PCSK7: variants seen among roughly 807,000 people sequenced by gnomAD.
The protein encoded by PCSK7 is proprotein convertase subtilisin/kexin type 7.
PCSK7 carries 38 observed loss-of-function variants against 73.3 expected under a neutral mutation model. That is an observed-to-expected ratio of 0.52 (90% confidence interval 0.40 to 0.68). PCSK7 has a LOEUF of 0.68. PCSK7 is among the 30% of genes least tolerant of loss of function. PCSK7 has a pLI of 0.00. For missense variants in PCSK7, 692 were observed against 991.5 expected (o/e 0.70, Z 4.06); for synonymous variants, 296 against 383.8 (o/e 0.77, Z 2.68).
intron 5 of PCSK7, chr11:117,226,681 AGT>A (rs1220985642): frequency 1.3e-5 from 2 of 159,726 alleles, no homozygotes; most frequent in Admixed American, 1.3e-4. Context: ...GCACATAAGG[AGT>A]TATGGTGAGG....
In PCSK7 at chr11:117,229,749, A is replaced by G. The variant is rs1383042086; in HGVS notation, c.96T>C (p.Val32=). 6.2e-7 allele frequency: 1 copy of G among 1,613,840 alleles called. No individual in the cohort carries two copies. Among genetic ancestry groups the G allele is most frequent in the Non-Finnish European group, 8.5e-7 (1 of 1,179,810 alleles). ...WLELAGLFLL[V]PWVMGLAGTG... is the part of the protein sequence containing the mutation. ...TCCCTGCCAGGCCCATGACCCAGGG[A>G]ACCAGTAAGAAGAGCCCGGCTAATT... Residue 32 remains valine (V), a synonymous_variant, in exon 3 of 17, where the codon GTT becomes GTC. Transcript: ENST00000320934.
Position 117,218,974 on chromosome 11 carries a change from G to A in PCSK7, c.1431+83C>T. 2.5e-6 allele frequency: 2 copies of A among 786,360 alleles called. No individual in the cohort carries two copies. The allele number at this position is 786,360 out of a possible 1,614,324, so 48.7% of individuals were successfully genotyped here. A position where few individuals can be genotyped will look rare whatever the true frequency, so the allele number is the denominator to read the frequency against. On this transcript the variant is annotated intron_variant, in intron 11 of 16. Transcript: ENST00000320934. The surrounding 1 kb of genome is among the most constrained non-coding windows in gnomAD (Gnocchi z 4.0). ...GAATGAACATTTACTAGGCACCTAT[G>A]ATATCCCAGGCAGTTTGGGGCATTC...
chr11:117,231,354 C>T (rs1327687298), intron 1 of PCSK7: 1 of 152,224 alleles, frequency 6.6e-6, no homozygotes, highest in African/African-American at 2.4e-5. Flanking sequence ...GGTTTCCAGG[C>T]ATATTCCCTC....
rs1387707620 is a variant in PCSK7 at position 117,219,754 on chromosome 11, G to A, written c.1160C>T (p.Thr387Ile). The change falls in exon 10 of 17, where the codon ACC (threonine) becomes ATC (isoleucine). Residue 387 changes from threonine to isoleucine, a missense_variant. Physicochemically the swap from Thr to Ile is moderately conservative, Grantham distance 89. Around this residue, in one of 6 missense-constraint regions of PCSK7, gnomAD observed 574 missense variants for 689.8 expected, o/e 0.83. Transcript: ENST00000320934. Reference protein sequence around the residue: ...GGDKMLRSIVTTDWDLQKGTG... With the variant: ...GGDKMLRSIVITDWDLQKGTG... ...GCCCTTCTGAAGGTCCCAGTCAGTGGTCACCTGGAAGTGAAACAGGAAAAG... is the reference window on the plus strand; with the variant it reads ...GCCCTTCTGAAGGTCCCAGTCAGTGATCACCTGGAAGTGAAACAGGAAAAG... 1.3e-6 allele frequency: 2 copies of A among 1,575,030 alleles called. No individual in the cohort carries two copies. Among genetic ancestry groups the A allele is most frequent in the South Asian group, 2.3e-5 (2 of 86,510 alleles).
rs1219778210 is a variant in PCSK7 at position 117,224,696 on chromosome 11, G to C, written c.915+5C>G. The C allele has an allele frequency of 6.2e-7, 1 of 1,611,610 alleles. No individual in the cohort carries two copies. Among genetic ancestry groups the C allele is most frequent in the Admixed American group, 1.7e-5 (1 of 60,016 alleles). On this transcript the variant is annotated splice_donor_5th_base_variant and intron_variant, in intron 7 of 16. Coordinates refer to ENST00000320934, the MANE Select transcript of PCSK7 (RefSeq NM_004716.4). Reference sequence around the variant, plus strand: ...TTTCTCAGAGTCTTTGTGCAGGCCAGTTACCTTTCCAAGCTGATGGGGGCC... The same window carrying C: ...TTTCTCAGAGTCTTTGTGCAGGCCACTTACCTTTCCAAGCTGATGGGGGCC...
chr11:117,223,065 C>T, intron 9 of PCSK7, 143 bp downstream of exon 9: 1 of 666,322 alleles, frequency 1.5e-6, no homozygotes, highest in South Asian at 1.7e-5. Context: ...GGGTGGCATG[C>T]CTTAAGACAT....
At chr11:117,224,013 A>G (rs2032309362) in intron 8 of PCSK7, 65 bp downstream of exon 8, 27 of 1,504,040 alleles carry the variant, frequency 1.8e-5, no homozygotes, top group Non-Finnish European at 2.5e-5. Context: ...AGCTAGGACA[A>G]GACGTGTGAT....
chr11:117,210,100 A>G (rs147060588), intron 12 of PCSK7: 2 of 152,322 alleles, frequency 1.3e-5, no homozygotes, highest in East Asian at 1.9e-4. Flanking sequence ...CGCATACACA[A>G]ATATTGACAG....
chr11:117,217,240 C>T (rs751952852), intron 12 of PCSK7: 1 of 152,168 alleles, frequency 6.6e-6, no homozygotes, highest in Admixed American at 6.6e-5. Flanking sequence ...CAGAGGATGA[C>T]GAAGCTGGGA....
chr11:117,212,275 A>G (rs1294501538), intron 12 of PCSK7: 2 of 152,172 alleles, frequency 1.3e-5, no homozygotes, highest in Non-Finnish European at 1.5e-5. Flanking sequence ...TGGCTTATCA[A>G]TTTGAGACAT....
At chr11:117,227,455 G>C (rs2032475470) in intron 4 of PCSK7, 133 bp from the exon 5 acceptor site, 1 of 740,422 alleles carries the variant, frequency 1.4e-6, no homozygotes, top group South Asian at 1.5e-5. Flanking sequence ...CATCGTTTCT[G>C]TTTTTGAGAT....
In PCSK7 at chr11:117,219,633, C is replaced by T. The variant is rs781668391; in HGVS notation, c.1281G>A (p.Thr427=). The change falls in exon 10 of 17, where the codon ACG becomes ACA. Residue 427 remains threonine (T), a synonymous_variant. Coordinates refer to ENST00000320934, the MANE Select transcript of PCSK7 (RefSeq NM_004716.4). ...ALMLQVRPCL[T]WRDVQHIIVF... is the part of the protein sequence containing the mutation. ...CAATGATGTGCTGGACGTCACGCCA[C>T]GTGAGGCAGGGCCGCACCTGCAGCA... 2.2e-5 allele frequency: 35 copies of T among 1,612,460 alleles called. 1 individual carries two copies. Among genetic ancestry groups the T allele is most frequent in the African/African-American group, 1.2e-4 (9 of 74,834 alleles).
intron 12 of PCSK7, chr11:117,212,071 C>G (rs962303244): frequency 6.6e-6 from 1 of 152,078 alleles, no homozygotes; most frequent in African/African-American, 2.4e-5. Context: ...TTGTCCTTGA[C>G]ATTTTTTTCT....
chr11:117,229,939 T>A (rs1006774935), intron 2 of PCSK7, 83 bp from the exon 3 acceptor site: 4 of 784,640 alleles, frequency 5.1e-6, no homozygotes, highest in Non-Finnish European at 8.0e-6. Flanking sequence ...GAGCCATCCA[T>A]GTGTTCCCCC....
At position 117,208,067 on chromosome 11, in the gene PCSK7, G is replaced by GA; in HGVS notation, c.1692-4dup. ...AGTCATTGAAGCCGTTGGGATCCCT[G>GA]AGGAAAGAACACAGCAGAAACAGGT... On this transcript the variant is annotated splice_polypyrimidine_tract_variant and splice_region_variant and intron_variant, in intron 13 of 16. Coordinates refer to ENST00000320934, the MANE Select transcript of PCSK7 (RefSeq NM_004716.4). 1 of 550,542 alleles carries GA rather than the reference G, an allele frequency of 1.8e-6. No individual in the cohort carries two copies. Among genetic ancestry groups the GA allele is most frequent in the South Asian group, 2.1e-5 (1 of 47,934 alleles). The allele number at this position is 550,542 out of a possible 1,614,324, so 34.1% of individuals were successfully genotyped here.
Position 117,205,470 on chromosome 11 carries a change from G to A in PCSK7, c.*527C>T, listed in dbSNP as rs2031311995. On this transcript the variant is annotated 3_prime_UTR_variant, in exon 17 of 17. Transcript: ENST00000320934. ...TCATACCAATCGTGGGGGTGGTGAA[G>A]GAGCCAGGGGTTCATTCATGGTTGG... 4.3e-6 allele frequency: 1 copy of A among 233,988 alleles called. No individual in the cohort carries two copies. The highest frequency in any genetic ancestry group is 5.6e-5 in the Admixed American group (1 of 17,784). 14.5% of individuals were successfully genotyped at this position (233,988 alleles called of 1,614,324 possible).
At chr11:117,224,462 G>A (rs1262508035) in intron 7 of PCSK7, among the ~76,000 whole-genome samples, 1 of 152,186 alleles carries the variant, frequency 6.6e-6, no homozygotes, top group Non-Finnish European at 1.5e-5. Flanking sequence ...AGGACAGGGT[G>A]GGGCCAGGCA....
intron 12 of PCSK7, chr11:117,213,976 T>TTTTG (rs36106425): frequency 0.053 from 6,966 of 130,508 alleles, 359 homozygotes; most frequent in Middle Eastern, 0.086. Flanking sequence ...TTTTTTTTTT[T>TTTTG]AGACGGAGTC....
Position 117,227,297 on chromosome 11 carries a change from T to A in PCSK7, c.629A>T (p.Asn210Ile), listed in dbSNP as rs892816350. The A allele has an allele frequency of 1.9e-6, 3 of 1,613,718 alleles. No individual in the cohort carries two copies. In the African/African-American group the frequency reaches 4.0e-5, roughly 22 times the overall value. The change falls in exon 5 of 17, where the codon AAC becomes ATC. Residue 210 changes from asparagine to isoleucine, a missense_variant. Asn to Ile is a moderately radical substitution (Grantham distance 149). This residue lies in a region of PCSK7 where 574 missense variants were observed against 689.8 expected (regional missense o/e 0.83). Transcript: ENST00000320934. ...GGGCATGGGGTCAGGGTCATTAGAG[T>A]TGAGGTCATAGCTACCCTCAGGGCT... ...NYSPEGSYDL[N>I]SNDPDPMPHP...
Sources: allele counts gnomAD v4.1 joint callset (sites outside exome capture counted in the v4.1 genomes callset), GRCh38; gene constraint gnomAD v4.1.1; regional missense constraint gnomAD v4.1.1; non-coding constraint Gnocchi (gnomAD v3.1); transcripts MANE v1.5; gene names NCBI Gene and HGNC (gene_info 2026-07-23, HGNC 2026-07-21).